The following CADPS variants were observed in gnomAD, a reference collection of about 807,000 sequenced individuals.
CADPS encodes the protein calcium dependent secretion activator, also known as calcium-dependent secretion activator 1.
CADPS carries 57 observed loss-of-function variants against 167.3 expected under a neutral mutation model. The ratio of observed to expected loss-of-function variants is 0.34; its 90% confidence interval spans 0.28 to 0.42. The LOEUF (loss-of-function observed/expected upper bound fraction) is 0.42, where lower values mean the gene tolerates loss of function less well. CADPS is among the 20% of genes least tolerant of loss of function. The pLI is 1.00. For missense variants in CADPS, 1,414 were observed against 1,738.1 expected, an observed-to-expected ratio of 0.81 and a Z score of 3.32; for synonymous variants, 676 against 635.3, an observed-to-expected ratio of 1.06 and a Z score of -0.96.
rs147411457 is a variant in CADPS at position 62,854,024 on chromosome 3, G to T, written c.441+20565C>A. On this transcript the variant is annotated intron_variant, in intron 1 of 29. Transcript: ENST00000383710. ...AAAAAGAAAGATTGAATTCTCTCAT[G>T]TTGGTGTCATTTCATGCTGAACCTA... Among the ~76,000 whole-genome samples the T allele has an allele frequency of 5.1e-3, 778 of 152,242 alleles. 5 individuals carry two copies. The highest frequency in any genetic ancestry group is 0.018 in the African/African-American group (734 of 41,562).
intron 6 of CADPS, among the ~76,000 whole-genome samples, chr3:62,604,728 T>G (rs1239524284): frequency 6.6e-6 from 1 of 152,202 alleles, no homozygotes; most frequent in African/African-American, 2.4e-5. Context: ...TTTTTGTCCT[T>G]CGAAATGTTG....
At chr3:62,533,861 G>A (rs750775087) in intron 12 of CADPS, among the ~76,000 whole-genome samples, 1 of 152,196 alleles carries the variant, frequency 6.6e-6, no homozygotes, top group Non-Finnish European at 1.5e-5. Context: ...AACTTCTTGT[G>A]TCCTGGTTTA....
chr3:62,491,309 C>G (rs764234969), intron 21 of CADPS, 30 bp downstream of exon 21: 1 of 1,610,712 alleles, frequency 6.2e-7, no homozygotes, highest in East Asian at 2.2e-5. Flanking sequence ...TGTACCCAAA[C>G]TCCGATGGTA....
chr3:62,480,228 G>C (rs540586446), intron 22 of CADPS, among the ~76,000 whole-genome samples: 1 of 152,248 alleles, frequency 6.6e-6, no homozygotes, highest in African/African-American at 2.4e-5. Flanking sequence ...TAATTGAACG[G>C]AGACCATTAT....
chr3:62,486,547 G>A (rs1483901201), intron 21 of CADPS, among the ~76,000 whole-genome samples: 1 of 152,092 alleles, frequency 6.6e-6, no homozygotes, highest in Non-Finnish European at 1.5e-5. Context: ...GTGAGAAAGT[G>A]CATTTTGAGA....
intron 1 of CADPS, among the ~76,000 whole-genome samples, chr3:62,857,458 T>C (rs1045749569): frequency 6.6e-6 from 1 of 151,848 alleles, no homozygotes; most frequent in African/African-American, 2.4e-5. Context: ...ATGTATAGAG[T>C]AGTAAAAAAA....
In CADPS at chr3:62,753,824, T is replaced by C. The variant is rs532447913; in HGVS notation, c.556-51A>G. On this transcript the variant is annotated intron_variant, in intron 2 of 29. Transcript: ENST00000383710. This position sits in a 1 kb window ranked among gnomAD's most constrained non-coding sequence, Gnocchi z 4.6. ...ACAGTAGGAGAGTTTACCACAGAGGTACCAGTTCCCTGGGGCTGGACACTG... is the reference window on the plus strand; with the variant it reads ...ACAGTAGGAGAGTTTACCACAGAGGCACCAGTTCCCTGGGGCTGGACACTG... The C allele has an allele frequency of 3.3e-6, 5 of 1,527,618 alleles. No homozygotes were observed. The East Asian group carries it at 1.2e-4, about 35-fold the overall frequency. The allele number at this position is 1,527,618 out of a possible 1,614,324, so 94.6% of individuals were successfully genotyped here.
chr3:62,826,226 C>A (rs923137990), intron 1 of CADPS, among the ~76,000 whole-genome samples: 1 of 152,056 alleles, frequency 6.6e-6, no homozygotes, highest in African/African-American at 2.4e-5. Flanking sequence ...GTTGATCAGA[C>A]TTATCAAAAA....
chr3:62,557,398 T>G lies in CADPS; in HGVS notation c.1753+7A>C. On this transcript the variant is annotated splice_region_variant and intron_variant, in intron 10 of 29. Coordinates refer to ENST00000383710, the MANE Select transcript of CADPS (RefSeq NM_003716.4). Reference sequence around the variant, plus strand: ...GTGGGCTCGTGGCCTTGAGGGTCGGTGGGTACCTGGCTGGGGGTCGGTGTA... The same window carrying G: ...GTGGGCTCGTGGCCTTGAGGGTCGGGGGGTACCTGGCTGGGGGTCGGTGTA... The G allele has an allele frequency of 5.0e-6, 8 of 1,606,016 alleles. No individual in the cohort carries two copies. Among genetic ancestry groups the G allele is most frequent in the Middle Eastern group, 3.3e-4 (2 of 6,050 alleles).
Position 62,827,187 on chromosome 3 carries a change from A to G in CADPS, c.441+47402T>C, listed in dbSNP as rs1196673408. Among the ~76,000 whole-genome samples the G allele has an allele frequency of 2.6e-5, 4 of 152,192 alleles. No individual in the cohort carries two copies. In the East Asian group the frequency reaches 7.7e-4, roughly 29 times the overall value. ...AAAGAAATCTATCCCATAGCTGGAA[A>G]TACAATATAATCCCTAACTAGATCT... On this transcript the variant is annotated intron_variant, in intron 1 of 29. Coordinates refer to ENST00000383710, the MANE Select transcript of CADPS (RefSeq NM_003716.4).
At chr3:62,843,637 C>T (rs540068737) in intron 1 of CADPS, among the ~76,000 whole-genome samples, 2 of 152,166 alleles carry the variant, frequency 1.3e-5, no homozygotes, top group South Asian at 4.2e-4. Flanking sequence ...AAAACTCCTG[C>T]CTTATAGTAC....
chr3:62,783,256 G>A (rs2091978402), intron 1 of CADPS, among the ~76,000 whole-genome samples: 1 of 151,924 alleles, frequency 6.6e-6, no homozygotes, highest in Non-Finnish European at 1.5e-5. Context: ...CTAGTTTCAA[G>A]CACAGGTGGG....
intron 5 of CADPS, among the ~76,000 whole-genome samples, chr3:62,648,521 A>C (rs1006973167): frequency 4.6e-5 from 7 of 151,786 alleles, no homozygotes; most frequent in African/African-American, 7.3e-5. Flanking sequence ...ATCTCTACAA[A>C]AAATACAAAG....
intron 3 of CADPS, among the ~76,000 whole-genome samples, chr3:62,736,943 C>T (rs6792941): frequency 0.073 from 11,084 of 151,974 alleles, 474 homozygotes; most frequent in South Asian, 0.15. Flanking sequence ...TCAAGAGCAG[C>T]GTGGCCAACA....
chr3:62,411,677 G>A (rs1342049396), intron 28 of CADPS, among the ~76,000 whole-genome samples: 1 of 152,158 alleles, frequency 6.6e-6, no homozygotes. Context: ...CGATTACCGG[G>A]GATCTGGTTG....
At chr3:62,595,286 A>G (rs988543561) in intron 6 of CADPS, among the ~76,000 whole-genome samples, 21 of 152,168 alleles carry the variant, frequency 1.4e-4, no homozygotes, top group African/African-American at 7.2e-5. Flanking sequence ...TTTCAAACAC[A>G]TTAGCAAAAC....
At chr3:62,570,513 C>A (rs1363052578) in intron 9 of CADPS, among the ~76,000 whole-genome samples, 1 of 152,208 alleles carries the variant, frequency 6.6e-6, no homozygotes, top group Non-Finnish European at 1.5e-5. Flanking sequence ...TTGGCATGAG[C>A]TTGCTCCCTT....
At chr3:62,649,804 A>G (rs2069608369) in intron 5 of CADPS, among the ~76,000 whole-genome samples, 1 of 151,726 alleles carries the variant, frequency 6.6e-6, no homozygotes, top group African/African-American at 2.4e-5. Flanking sequence ...CTCCCACCTC[A>G]GCCTCTCAAA....
At chr3:62,626,197 T>A (rs1201969471) in intron 6 of CADPS, 12 of 213,208 alleles carry the variant, frequency 5.6e-5, no homozygotes. Context: ...ATTAACACGT[T>A]CACTTGACAT....
Sources: allele counts gnomAD v4.1 joint callset (sites outside exome capture counted in the v4.1 genomes callset), GRCh38; gene constraint gnomAD v4.1.1; non-coding constraint Gnocchi (gnomAD v3.1); transcripts MANE v1.5; gene names NCBI Gene and HGNC (gene_info 2026-07-23, HGNC 2026-07-21).